The following CHD1L variants were observed in gnomAD, a reference collection of about 807,000 sequenced individuals.
The protein encoded by CHD1L is ATP-dependent chromatin remodeler CHD1L.
A neutral mutation model predicts 115.9 loss-of-function variants in CHD1L; 118 were observed. The observed-to-expected ratio is 1.02, with a 90% confidence interval of 0.88 to 1.19. The LOEUF is 1.19. Among genes scored for constraint, CHD1L ranks in the 50% most tolerant of loss-of-function variants. The pLI is 0.00. For missense variants in CHD1L, 1,179 were observed against 1,065.3 expected (o/e 1.11, Z -1.49); for synonymous variants, 411 against 387.1 (o/e 1.06, Z -0.72).
chr1:147,204,560 C>G, the CHD1L span: 5 of 1,587,518 alleles, frequency 3.1e-6, no homozygotes, highest in African/African-American at 2.7e-5. Context: ...ACCTCTGAAA[C>G]TGACAGGCCA....
At position 147,280,126 on chromosome 1, in the gene CHD1L, A is replaced by T. The variant is rs782323069; in HGVS notation, c.1640A>T (p.Asp547Val). 6.2e-7 allele frequency: 1 copy of T among 1,613,780 alleles called. No homozygotes were observed. Among genetic ancestry groups the T allele is most frequent in the South Asian group, 1.1e-5 (1 of 90,990 alleles). Residue 547 changes from aspartate to valine, a missense_variant, in exon 15 of 23, where the codon GAT (aspartate) becomes GTT (valine). By Grantham distance (152) the Asp-to-Val change is radical. Coordinates refer to ENST00000369258, the MANE Select transcript of CHD1L (RefSeq NM_004284.6). ...GAGTCCATCCTGGGAGAAACAAAAG[A>T]TGGCCAGTGGGTCTCTGATGCCTTG... ...DLESILGETK[D>V]GQWVSDALPA...
At chr1:147,243,064 C>G (rs934365388) in intron 1 of CHD1L, 66 of 380,184 alleles carry the variant, frequency 1.7e-4, no homozygotes, top group Admixed American at 1.1e-3. Flanking sequence ...GTCGCGGGCC[C>G]GGTAGCCAGG....
the CHD1L span, among the ~76,000 whole-genome samples, chr1:147,231,710 G>C: frequency 6.6e-6 from 1 of 152,102 alleles, no homozygotes; most frequent in Admixed American, 6.5e-5. Context: ...GAGACTCTGT[G>C]GGTGTAGGAC....
chr1:147,275,812 C>T (rs1422501850), intron 13 of CHD1L, among the ~76,000 whole-genome samples: 1 of 149,890 alleles, frequency 6.7e-6, no homozygotes, highest in African/African-American at 2.5e-5. Flanking sequence ...ATAGATGTTG[C>T]CCTTTGATCT....
chr1:147,271,522 G>T (rs907258620), intron 11 of CHD1L, among the ~76,000 whole-genome samples: 1 of 152,190 alleles, frequency 6.6e-6, no homozygotes, highest in Admixed American at 6.5e-5. Flanking sequence ...ATGAGAAAAG[G>T]CTCTAACATG....
chr1:147,209,289 T>C, the CHD1L span, among the ~76,000 whole-genome samples: 18 of 152,034 alleles, frequency 1.2e-4, no homozygotes, highest in African/African-American at 4.3e-4. Context: ...ATACAAAAAA[T>C]TAGCCAGGCG....
At chr1:147,235,107 GTGTGTGTGTGTGTGTA>G in the CHD1L span, among the ~76,000 whole-genome samples, 1 of 151,928 alleles carries the variant, frequency 6.6e-6, no homozygotes, top group African/African-American at 2.4e-5. Flanking sequence ...GTGTGTGTGT[GTGTGTGTGTGTGTGTA>G]TGTGTGTGTG....
the CHD1L span, among the ~76,000 whole-genome samples, chr1:147,198,791 C>A: frequency 7.3e-6 from 1 of 136,290 alleles, no homozygotes; most frequent in Middle Eastern, 5.2e-3. Flanking sequence ...GTGGAACTTG[C>A]AGTGGGCCGA....
intron 10 of CHD1L, 117 bp from the exon 11 acceptor site, chr1:147,270,813 TTA>T (rs1553952379): frequency 3.8e-6 from 3 of 795,268 alleles, no homozygotes; most frequent in African/African-American, 1.7e-5. Flanking sequence ...CATACGACAC[TTA>T]TATTTCTACT....
At chr1:147,185,291 A>G in the CHD1L span, among the ~76,000 whole-genome samples, 1 of 152,182 alleles carries the variant, frequency 6.6e-6, no homozygotes, top group South Asian at 2.1e-4. Context: ...ACTAGGAATT[A>G]TATTATCAAA....
chr1:147,205,300 C>G, the CHD1L span, among the ~76,000 whole-genome samples: 907 of 152,230 alleles, frequency 6.0e-3, 4 homozygotes, highest in Middle Eastern at 0.01. Flanking sequence ...GAAAAAATAT[C>G]TTTATAGTGG....
chr1:147,242,885 T>C, intron 1 of CHD1L, 55 bp downstream of exon 1: 1 of 1,247,198 alleles, frequency 8.0e-7, no homozygotes, highest in South Asian at 4.0e-5. Flanking sequence ...TGGGACTGCC[T>C]CTTGCGGGCC....
chr1:147,227,165 G>T, the CHD1L span, among the ~76,000 whole-genome samples: 1 of 152,142 alleles, frequency 6.6e-6, no homozygotes, highest in African/African-American at 2.4e-5. Context: ...TTTCACAAAA[G>T]CATTCAACTA....
the CHD1L span, chr1:147,204,531 T>C: frequency 6.4e-7 from 1 of 1,573,756 alleles, no homozygotes; most frequent in Non-Finnish European, 8.7e-7. Flanking sequence ...TTCTGCAAGC[T>C]ATTTCATAAC....
intron 19 of CHD1L, among the ~76,000 whole-genome samples, chr1:147,289,506 G>A (rs1553968621): frequency 6.6e-6 from 1 of 152,176 alleles, no homozygotes; most frequent in Admixed American, 6.5e-5. Flanking sequence ...AGGAGAGTGG[G>A]AAGCTCAGAC....
At chr1:147,273,291 C>T (rs368702826) in intron 12 of CHD1L, among the ~76,000 whole-genome samples, 2 of 152,094 alleles carry the variant, frequency 1.3e-5, no homozygotes, top group Non-Finnish European at 2.9e-5. Flanking sequence ...CATGCAGGAA[C>T]ATGAAAGAGA....
At chr1:147,285,293 AC>A (rs1553964577) in intron 16 of CHD1L, 30 bp from the exon 17 acceptor site, 2 of 1,597,334 alleles carry the variant, frequency 1.3e-6, no homozygotes, top group Non-Finnish European at 1.7e-6. Context: ...AATCTTCTTG[AC>A]CCTGGTGATG....
the CHD1L span, among the ~76,000 whole-genome samples, chr1:147,217,879 A>G: frequency 3.9e-5 from 6 of 152,216 alleles, no homozygotes; most frequent in African/African-American, 1.4e-4. Context: ...CTCCAACTAG[A>G]TTGTAAGCCC....
In CHD1L at chr1:147,275,341, G is replaced by C; in HGVS notation, c.1271-13G>C. The C allele has an allele frequency of 1.3e-6, 2 of 1,594,508 alleles. No individual in the cohort carries two copies. The highest frequency in any genetic ancestry group is 1.7e-6 in the Non-Finnish European group (2 of 1,163,400). ...TGTGCTGCTGATTACATTCCTTTTTGCATTGTTTTCAGGTGGAGTTGGCAT... is the reference window on the plus strand; with the variant it reads ...TGTGCTGCTGATTACATTCCTTTTTCCATTGTTTTCAGGTGGAGTTGGCAT... On this transcript the variant is annotated splice_polypyrimidine_tract_variant and intron_variant, in intron 12 of 22. Coordinates refer to ENST00000369258, the MANE Select transcript of CHD1L (RefSeq NM_004284.6).
Sources: allele counts gnomAD v4.1 joint callset (sites outside exome capture counted in the v4.1 genomes callset), GRCh38; gene constraint gnomAD v4.1.1; transcripts MANE v1.5; gene names NCBI Gene and HGNC (gene_info 2026-07-23, HGNC 2026-07-21).